Variants in WARS2 observed in about 807,000 individuals in gnomAD.
The protein encoded by WARS2 is tryptophan--tRNA ligase, mitochondrial.
Under a neutral mutation model 36.5 loss-of-function variants are expected in WARS2, and 28 were observed. The ratio of observed to expected loss-of-function variants is 0.77; its 90% CI spans 0.57 to 1.05. The LOEUF (loss-of-function observed/expected upper bound fraction) is 1.05, where lower values mean the gene tolerates loss of function less well. WARS2 is among the 50% of genes least tolerant of loss of function. WARS2 has a pLI of 0.00. For synonymous variants in WARS2, 174 were observed against 178.4 expected, an observed-to-expected ratio of 0.98 and a Z score of 0.20; for missense variants, 435 against 456.8, an observed-to-expected ratio of 0.95 and a Z score of 0.44.
intron 4 of WARS2, among the ~76,000 whole-genome samples, chr1:119,042,047 G>C (rs1406884920): frequency 6.6e-6 from 1 of 152,128 alleles, no homozygotes; most frequent in African/African-American, 2.4e-5. Context: ...AATATTATTA[G>C]TTTCTCACAG....
chr1:119,062,466 T>TA (rs66984587), intron 2 of WARS2, among the ~76,000 whole-genome samples: 54,168 of 149,190 alleles, frequency 0.36, 9,892 homozygotes, highest in Middle Eastern at 0.41. Flanking sequence ...GCACAGCAAA[T>TA]AAAAAAAAAA....
At chr1:119,127,214 C>T (rs757501021) in intron 1 of WARS2, 22 of 733,060 alleles carry the variant, frequency 3.0e-5, no homozygotes, top group Admixed American at 7.1e-5. Flanking sequence ...AATCCTTCTT[C>T]GAAAATGGAT....
intron 2 of WARS2, among the ~76,000 whole-genome samples, chr1:119,058,024 C>CT (rs1649987214): frequency 6.6e-6 from 1 of 152,148 alleles, no homozygotes; most frequent in Non-Finnish European, 1.5e-5. Flanking sequence ...ATTAAGAAAT[C>CT]TTGGCCTATC....
chr1:119,036,149 C>A (rs967822945), intron 4 of WARS2, among the ~76,000 whole-genome samples: 1 of 152,016 alleles, frequency 6.6e-6, no homozygotes, highest in Non-Finnish European at 1.5e-5. Flanking sequence ...GTGGAGGCTG[C>A]GGTGAGCCAA....
At chr1:119,116,459 C>T (rs1053278028) in intron 1 of WARS2, among the ~76,000 whole-genome samples, 1 of 152,092 alleles carries the variant, frequency 6.6e-6, no homozygotes, top group African/African-American at 2.4e-5. Flanking sequence ...GCTCCAAGAA[C>T]CATCGCAGGA....
At chr1:119,049,818 C>G (rs182625458) in intron 2 of WARS2, among the ~76,000 whole-genome samples, 1 of 152,304 alleles carries the variant, frequency 6.6e-6, no homozygotes, top group East Asian at 1.9e-4. Context: ...CAAAGTCTCA[C>G]CACTTTTCAC....
intron 4 of WARS2, among the ~76,000 whole-genome samples, chr1:119,037,466 C>A (rs1175607687): frequency 1.3e-5 from 2 of 152,122 alleles, no homozygotes; most frequent in Admixed American, 6.6e-5. Context: ...CTTTAACCAG[C>A]CCGGCTGGGA....
Position 119,140,429 on chromosome 1 carries a change from A to G in WARS2, c.90+126T>C. The G allele has an allele frequency of 2.6e-6, 2 of 782,872 alleles. 1 individual carries two copies. Among genetic ancestry groups the G allele is most frequent in the South Asian group, 3.7e-5 (2 of 54,452 alleles). The allele number at this position is 782,872 out of a possible 1,614,324, so 48.5% of individuals were successfully genotyped here. A position where few individuals can be genotyped will look rare whatever the true frequency, so the allele number is the denominator to read the frequency against. ...CAGGCCGACAGTCATAGACGAGTAG[A>G]CCTTAGGCGAGGGAAGGCATGTACT... On this transcript the variant is annotated intron_variant, in intron 1 of 5. Transcript: ENST00000235521.
intron 1 of WARS2, among the ~76,000 whole-genome samples, chr1:119,084,469 A>G (rs1048269710): frequency 6.6e-6 from 1 of 152,222 alleles, no homozygotes; most frequent in Non-Finnish European, 1.5e-5. Flanking sequence ...AATAAATAAT[A>G]AATACGTTGC....
chr1:119,100,093 C>T (rs1653751731), intron 1 of WARS2, among the ~76,000 whole-genome samples: 1 of 151,970 alleles, frequency 6.6e-6, no homozygotes, highest in African/African-American at 2.4e-5. Context: ...GAACTCAGCT[C>T]AACAGCAAAA....
At chr1:119,059,922 G>A (rs557006205) in intron 2 of WARS2, among the ~76,000 whole-genome samples, 15 of 152,248 alleles carry the variant, frequency 9.9e-5, no homozygotes, top group African/African-American at 3.6e-4. Context: ...AGCACACACA[G>A]TGGGGCCTTT....
At chr1:119,087,052 G>A (rs1652725668) in intron 1 of WARS2, among the ~76,000 whole-genome samples, 1 of 152,014 alleles carries the variant, frequency 6.6e-6, no homozygotes, top group East Asian at 1.9e-4. Context: ...CCTGTTCCAT[G>A]CTCCACCACA....
chr1:119,111,935 T>A (rs1240078638), intron 1 of WARS2, among the ~76,000 whole-genome samples: 1 of 152,068 alleles, frequency 6.6e-6, no homozygotes, highest in Non-Finnish European at 1.5e-5. Context: ...TTTTTTTTTT[T>A]CTTTGAGACG....
chr1:119,085,303 G>GC (rs1652547069), intron 1 of WARS2: 4 of 1,162,710 alleles, frequency 3.4e-6, no homozygotes, highest in Non-Finnish European at 5.2e-6. Flanking sequence ...GGGAGCTTCC[G>GC]CCCCTCCCTG....
chr1:119,044,025 T>C (rs964386544), intron 3 of WARS2, among the ~76,000 whole-genome samples: 1 of 151,570 alleles, frequency 6.6e-6, no homozygotes, highest in Non-Finnish European at 1.5e-5. Context: ...TCTTATTACT[T>C]GTTTAATTGT....
chr1:119,039,955 G>A (rs745975752), intron 4 of WARS2, among the ~76,000 whole-genome samples: 23 of 151,810 alleles, frequency 1.5e-4, no homozygotes, highest in Non-Finnish European at 2.8e-4. Context: ...AGACATTCTG[G>A]CAATGACCTT....
chr1:119,139,592 T>G (rs1656787772), intron 1 of WARS2: 1 of 152,252 alleles, frequency 6.6e-6, no homozygotes, highest in Non-Finnish European at 1.5e-5. Flanking sequence ...CCTTGACCTC[T>G]AGGCTACCTT....
At chr1:119,061,072 T>A (rs1421889793) in intron 2 of WARS2, among the ~76,000 whole-genome samples, 1 of 152,100 alleles carries the variant, frequency 6.6e-6, no homozygotes, top group African/African-American at 2.4e-5. Flanking sequence ...AAACAACAGA[T>A]TTTTATTTAA....
At chr1:119,114,190 C>T (rs960786913) in intron 1 of WARS2, among the ~76,000 whole-genome samples, 1 of 152,168 alleles carries the variant, frequency 6.6e-6, no homozygotes, top group Non-Finnish European at 1.5e-5. Flanking sequence ...TTGATTATAA[C>T]AGCCTTTCCT....
Sources: allele counts gnomAD v4.1 joint callset (sites outside exome capture counted in the v4.1 genomes callset), GRCh38; gene constraint gnomAD v4.1.1; transcripts MANE v1.5; gene names NCBI Gene and HGNC (gene_info 2026-07-23, HGNC 2026-07-21).